Variants in DENND1A observed in about 807,000 individuals in gnomAD.
DENND1A encodes the protein DENN domain-containing protein 1A.
Under a neutral mutation model 113.7 loss-of-function variants are expected in DENND1A, and 51 were observed. The observed-to-expected ratio is 0.45, with a 90% CI of 0.36 to 0.57. The LOEUF (loss-of-function observed/expected upper bound fraction) is 0.57, where lower values mean the gene tolerates loss of function less well. Among genes scored for constraint, DENND1A ranks in the 20% least tolerant of loss-of-function variants. DENND1A has a pLI of 0.00. For missense variants in DENND1A, 1,258 were observed against 1,395.9 expected, an observed-to-expected ratio of 0.90 and a Z score of 1.57; for synonymous variants, 565 against 570.8, an observed-to-expected ratio of 0.99 and a Z score of 0.14.
chr9:123,852,747 G>C (rs1191313367), intron 2 of DENND1A, among the ~76,000 whole-genome samples: 1 of 152,048 alleles, frequency 6.6e-6, no homozygotes, highest in Non-Finnish European at 1.5e-5. Context: ...CTGAAACTCA[G>C]GACTGATTCT....
chr9:123,724,094 G>A (rs1436933672), intron 5 of DENND1A, among the ~76,000 whole-genome samples: 2 of 152,142 alleles, frequency 1.3e-5, no homozygotes, highest in African/African-American at 2.4e-5. Context: ...CCTTCTCAAA[G>A]ACACTGAACT....
intron 10 of DENND1A, among the ~76,000 whole-genome samples, chr9:123,628,230 T>G (rs2061326231): frequency 6.6e-6 from 1 of 151,834 alleles, no homozygotes; most frequent in Admixed American, 6.6e-5. Flanking sequence ...CTGAAGCCAC[T>G]GAAGACAGCA....
intron 5 of DENND1A, among the ~76,000 whole-genome samples, chr9:123,756,999 G>C (rs1223366049): frequency 1.3e-5 from 2 of 152,170 alleles, no homozygotes; most frequent in African/African-American, 4.8e-5. Flanking sequence ...GGAGAGGGGA[G>C]CATGGGGGAT....
chr9:123,806,841 C>T (rs1279222603), intron 2 of DENND1A, among the ~76,000 whole-genome samples: 1 of 152,138 alleles, frequency 6.6e-6, no homozygotes, highest in Non-Finnish European at 1.5e-5. Flanking sequence ...GAGTAATACC[C>T]TTTCTTCTCA....
At chr9:123,601,961 C>T (rs929110301) in intron 11 of DENND1A, among the ~76,000 whole-genome samples, 1 of 152,180 alleles carries the variant, frequency 6.6e-6, no homozygotes, top group African/African-American at 2.4e-5. Flanking sequence ...GAGCCCAGGA[C>T]AGGTGGGGAC....
In DENND1A at chr9:123,381,435, C is replaced by G; in HGVS notation, c.3210G>C (p.Glu1070Asp). The change falls in exon 24 of 24, where the codon GAG becomes GAC. Residue 1070 changes from glutamate (E) to aspartate (D), a missense_variant. Coordinates refer to ENST00000394215, the MANE Select transcript of DENND1A (RefSeq NM_001352964.2). This position sits in a 1 kb window ranked among gnomAD's most constrained non-coding sequence, Gnocchi z 4.7. ...EQLRKQWETF[E>D] is the part of the protein sequence containing the mutation. The stretch of plus-strand genomic sequence containing the variant: ...TCCCCCACCCTCAGGGCCCGGCTCA[C>G]TCGAAGGTCTCCCACTGCTTCCTGA... 1 of 1,613,026 alleles carries G rather than the reference C, an allele frequency of 6.2e-7. No individual in the cohort carries two copies. The highest frequency in any genetic ancestry group is 2.2e-5 in the East Asian group (1 of 44,856).
intron 8 of DENND1A, among the ~76,000 whole-genome samples, chr9:123,657,010 C>G (rs772628557): frequency 1.6e-4 from 24 of 152,180 alleles, no homozygotes; most frequent in Non-Finnish European, 2.8e-4. Context: ...GCCACACTCT[C>G]TAGGGCTGGG....
intron 9 of DENND1A, among the ~76,000 whole-genome samples, chr9:123,633,120 C>CTGG (rs1315433367): frequency 7.2e-5 from 11 of 152,124 alleles, no homozygotes; most frequent in African/African-American, 2.7e-4. Context: ...GTTGGCCAGG[C>CTGG]TGGTCTCAAA....
At chr9:123,640,668 T>C (rs1027081156) in intron 9 of DENND1A, among the ~76,000 whole-genome samples, 2 of 152,226 alleles carry the variant, frequency 1.3e-5, no homozygotes, top group African/African-American at 2.4e-5. Context: ...TCAGGTAACA[T>C]TTACAGAGTG....
Position 123,487,914 on chromosome 9 carries a change from G to A in DENND1A, c.994-30017C>T, listed in dbSNP as rs76535008. 6.3e-3 allele frequency among the ~76,000 whole-genome samples: 954 copies of A among 152,336 alleles called. 5 individuals are homozygous for A. The highest frequency in any genetic ancestry group is 0.022 in the African/African-American group (918 of 41,576). On this transcript the variant is annotated intron_variant, in intron 13 of 23. Coordinates refer to ENST00000394215, the MANE Select transcript of DENND1A (RefSeq NM_001352964.2). Reference sequence around the variant, plus strand: ...AGAGGTTAATTTGCTTTCCAACACAGAGCTGGGCAAATGCCTCCTCCTCTT... The same window carrying A: ...AGAGGTTAATTTGCTTTCCAACACAAAGCTGGGCAAATGCCTCCTCCTCTT...
intron 4 of DENND1A, among the ~76,000 whole-genome samples, chr9:123,768,821 A>C (rs1829260221): frequency 6.6e-6 from 1 of 150,994 alleles, no homozygotes. Context: ...CTCCTCTAAA[A>C]TTCTTATCAT....
intron 13 of DENND1A, among the ~76,000 whole-genome samples, chr9:123,543,518 G>C (rs529586028): frequency 3.9e-5 from 6 of 152,302 alleles, no homozygotes; most frequent in African/African-American, 1.4e-4. Context: ...GAATCCTGTA[G>C]AGGCCAACAC....
At chr9:123,711,726 C>T (rs1263913199) in intron 5 of DENND1A, among the ~76,000 whole-genome samples, 1 of 151,712 alleles carries the variant, frequency 6.6e-6, no homozygotes, top group Non-Finnish European at 1.5e-5. Context: ...ATTCTTTAGT[C>T]TCCCCTTAAC....
intron 19 of DENND1A, among the ~76,000 whole-genome samples, chr9:123,420,320 A>G (rs1056674244): frequency 3.3e-5 from 5 of 152,224 alleles, no homozygotes; most frequent in Non-Finnish European, 7.3e-5. Flanking sequence ...GCACATAGGT[A>G]GGACGCAGAG....
At chr9:123,504,885 C>G (rs1392504376) in intron 13 of DENND1A, among the ~76,000 whole-genome samples, 5 of 152,154 alleles carry the variant, frequency 3.3e-5, no homozygotes, top group African/African-American at 1.2e-4. Context: ...CATAATGACA[C>G]CAACATGTTC....
intron 4 of DENND1A, among the ~76,000 whole-genome samples, chr9:123,762,688 A>C (rs1171886283): frequency 6.6e-6 from 1 of 152,270 alleles, no homozygotes; most frequent in Non-Finnish European, 1.5e-5. Context: ...GACAAGTAAT[A>C]AACAAGTATA....
intron 20 of DENND1A, among the ~76,000 whole-genome samples, chr9:123,409,674 G>A (rs1263646740): frequency 2.0e-5 from 3 of 152,078 alleles, no homozygotes; most frequent in African/African-American, 7.2e-5. Flanking sequence ...CTGAGCGACT[G>A]TGAGGCGCAG....
intron 2 of DENND1A, among the ~76,000 whole-genome samples, chr9:123,857,895 T>G: frequency 6.6e-6 from 1 of 151,730 alleles, no homozygotes; most frequent in South Asian, 2.1e-4. Flanking sequence ...CCATCTCTAC[T>G]AAAAATACAA....
chr9:123,474,384 G>T (rs2049724120), intron 13 of DENND1A, among the ~76,000 whole-genome samples: 1 of 152,184 alleles, frequency 6.6e-6, no homozygotes, highest in African/African-American at 2.4e-5. Flanking sequence ...AACATCAGCT[G>T]TTATTACCGT....
Sources: gnomAD v4.1 joint callset for allele counts (sites outside exome capture counted in the v4.1 genomes callset) on GRCh38, gnomAD v4.1.1 for gene constraint, Gnocchi (gnomAD v3.1) non-coding constraint, MANE v1.5 for transcripts, NCBI Gene and HGNC (gene_info 2026-07-23, HGNC 2026-07-21) for gene names.